The following SLTM variants were observed in gnomAD, a reference collection of about 807,000 sequenced individuals.
The protein encoded by SLTM is SAFB like transcription modulator.
In SLTM, 43 loss-of-function variants were observed where a neutral mutation model predicts 134.6. The ratio of observed to expected loss-of-function variants is 0.32; its 90% CI spans 0.25 to 0.41. SLTM has a LOEUF of 0.41. SLTM is among the 10% of genes least tolerant of loss of function. The pLI is 1.00. For synonymous variants in SLTM, 424 were observed against 432.3 expected (o/e 0.98, Z 0.24); for missense variants, 1,055 against 1,288.8 (o/e 0.82, Z 2.78).
At chr15:58,891,315 C>T (rs1359926262) in intron 14 of SLTM, among the ~76,000 whole-genome samples, 1 of 152,202 alleles carries the variant, frequency 6.6e-6, no homozygotes, top group Non-Finnish European at 1.5e-5. Context: ...AACCATCCAA[C>T]ACCTCTCATA....
At chr15:58,898,552 C>T (rs1436857378) in intron 8 of SLTM, 1 of 377,098 alleles carries the variant, frequency 2.7e-6, no homozygotes, top group African/African-American at 2.2e-5. Context: ...TAGAACACAC[C>T]AGGTAAGTGT....
intron 5 of SLTM, among the ~76,000 whole-genome samples, chr15:58,908,372 T>C (rs1259716360): frequency 6.6e-6 from 1 of 152,022 alleles, no homozygotes; most frequent in Non-Finnish European, 1.5e-5. Context: ...GATTAAATTT[T>C]CTACTGTTTT....
In SLTM at chr15:58,890,403, C is replaced by G; in HGVS notation, c.1957G>C (p.Glu653Gln). Residue 653 changes from glutamate to glutamine, a missense_variant, in exon 15 of 21, where the codon GAA becomes CAA. Physicochemically the swap from Glu to Gln is conservative, Grantham distance 29. This residue lies in a region of SLTM where 776 missense variants were observed against 962.2 expected (regional missense o/e 0.81). Coordinates refer to ENST00000380516, the MANE Select transcript of SLTM (RefSeq NM_024755.4). ...TGTAAGCGTTCCCGTTCTTCCCGTT[C>G]ACGAATTATTCTAATGCGTTCTCGC... ...RERERIRIIR[E>Q]REERERLQRE... 6.2e-7 allele frequency: 1 copy of G among 1,614,054 alleles called. No homozygotes were observed.
intron 2 of SLTM, among the ~76,000 whole-genome samples, chr15:58,931,346 T>C (rs2037866729): frequency 6.6e-6 from 1 of 152,244 alleles, no homozygotes; most frequent in African/African-American, 2.4e-5. Flanking sequence ...AATAGTGAGT[T>C]GTCCTCATCT....
Position 58,893,365 on chromosome 15 carries a change from C to CGCTTCTTTTCTTCACTTTTTT in SLTM, c.1649-2_1649-1insAAAAAAGTGAAGAAAAGAAGC. On this transcript the variant is annotated splice_acceptor_variant, in intron 12 of 20. Transcript: ENST00000380516. LOFTEE classifies it high-confidence loss of function. ...ACCATATGTCCTGGACTCTTGGAAC[C>CGCTTCTTTTCTTCACTTTTTT]TAAGGGAAAAAAATTATATAAAACA... 6.3e-7 allele frequency: 1 copy of CGCTTCTTTTCTTCACTTTTTT among 1,584,714 alleles called. No homozygotes were observed. Among genetic ancestry groups the CGCTTCTTTTCTTCACTTTTTT allele is most frequent in the African/African-American group, 1.4e-5 (1 of 73,204 alleles).
At chr15:58,918,224 A>T (rs1180412442) in intron 2 of SLTM, among the ~76,000 whole-genome samples, 2 of 151,968 alleles carry the variant, frequency 1.3e-5, no homozygotes. Context: ...GAAGTTTATT[A>T]AAAAAAATTT....
chr15:58,883,704 G>C lies in SLTM; in HGVS notation c.2918C>G (p.Ser973Cys). ...CGTATCATGATAGCTAGGCCCTTGA[G>C]AGGGTGGACCATGCCACTCTTTCCT... The part of the protein sequence containing the change: ...GPRKEWHGPP[S>C]QGPSYHDTRR... Residue 973 changes from serine to cysteine, a missense_variant, in exon 20 of 21, where the codon TCT becomes TGT. This residue lies in a region of SLTM where 776 missense variants were observed against 962.2 expected (regional missense o/e 0.81). Coordinates refer to ENST00000380516, the MANE Select transcript of SLTM (RefSeq NM_024755.4). 1 of 1,614,094 alleles carries C rather than the reference G, an allele frequency of 6.2e-7. No homozygotes were observed. Among genetic ancestry groups the C allele is most frequent in the Non-Finnish European group, 8.5e-7 (1 of 1,180,012 alleles).
chr15:58,919,996 T>C (rs558442400), intron 2 of SLTM, among the ~76,000 whole-genome samples: 8 of 152,154 alleles, frequency 5.3e-5, no homozygotes, highest in Non-Finnish European at 1.2e-4. Context: ...ATTATTCTAA[T>C]AAGGAGTGGT....
chr15:58,930,664 G>C (rs1486187044), intron 2 of SLTM, among the ~76,000 whole-genome samples: 1 of 150,914 alleles, frequency 6.6e-6, no homozygotes, highest in Non-Finnish European at 1.5e-5. Flanking sequence ...CAAAGAGCTA[G>C]GCACCACTGC....
chr15:58,885,913 T>C (rs1370267049), intron 19 of SLTM, among the ~76,000 whole-genome samples: 2 of 152,176 alleles, frequency 1.3e-5, no homozygotes, highest in African/African-American at 2.4e-5. Context: ...GTATATAATT[T>C]ATGAAAGTAT....
In SLTM at chr15:58,912,723, G is replaced by A. The variant is rs575212459; in HGVS notation, c.514-113C>T. 3.7e-5 allele frequency: 30 copies of A among 805,674 alleles called. 1 individual carries two copies. The highest frequency in any genetic ancestry group is 1.5e-4 in the South Asian group (10 of 66,372). The allele number at this position is 805,674 out of a possible 1,614,324, so 49.9% of individuals were successfully genotyped here. A position where few individuals can be genotyped will look rare whatever the true frequency, so the allele number is the denominator to read the frequency against. On this transcript the variant is annotated intron_variant, in intron 4 of 20. Transcript: ENST00000380516. Reference sequence around the variant, plus strand: ...GCCTTGTGTTCTGTATAATATCTGCGATACCATGGGTACTAAATCAATGCT... The same window carrying A: ...GCCTTGTGTTCTGTATAATATCTGCAATACCATGGGTACTAAATCAATGCT...
chr15:58,909,262 G>C (rs1478746667), intron 5 of SLTM, among the ~76,000 whole-genome samples: 3 of 152,066 alleles, frequency 2.0e-5, no homozygotes, highest in Admixed American at 2.0e-4. Context: ...AACAATTTAA[G>C]CATTAAGGAT....
At position 58,890,227 on chromosome 15, in the gene SLTM, C is replaced by T. The variant is rs2034549080; in HGVS notation, c.2079+54G>A. 8 of 1,594,154 alleles carry T rather than the reference C, an allele frequency of 5.0e-6. No homozygotes were observed. In the South Asian group the frequency reaches 9.0e-5, roughly 18 times the overall value. ...GTAAAGCAAGTTTTAGGGCTAAAAT[C>T]ACAGAGTCTGAAAAAGGTGAGTTAT... On this transcript the variant is annotated intron_variant, in intron 15 of 20. Transcript: ENST00000380516.
chr15:58,932,949 C>G (rs2141272423), intron 1 of SLTM, among the ~76,000 whole-genome samples: 1 of 152,360 alleles, frequency 6.6e-6, no homozygotes, highest in African/African-American at 2.4e-5. Context: ...CCAATTCCCC[C>G]TCAAGATGGG....
In SLTM at chr15:58,899,937, T is replaced by C; in HGVS notation, c.590A>G (p.Asp197Gly). Residue 197 changes from aspartate to glycine, a missense_variant and splice_region_variant, in exon 7 of 21, where the codon GAT becomes GGT. Physicochemically the swap from Asp to Gly is moderately conservative, Grantham distance 94. Transcript: ENST00000380516. The surrounding 1 kb of genome is among the most constrained non-coding windows in gnomAD (Gnocchi z 5.0). ...TGTACCATCACCAGAACCTGCTATATCTAAGAGGATTTAACAGGAATAAAT... is the reference window on the plus strand; with the variant it reads ...TGTACCATCACCAGAACCTGCTATACCTAAGAGGATTTAACAGGAATAAAT... ...QDGEEEENEKDIAGSGDGTQE... is the reference protein window; with the variant it reads ...QDGEEEENEKGIAGSGDGTQE... 6.2e-7 allele frequency: 1 copy of C among 1,601,190 alleles called. No individual in the cohort carries two copies. Among genetic ancestry groups the C allele is most frequent in the Non-Finnish European group, 8.5e-7 (1 of 1,171,894 alleles).
chr15:58,910,737 TAG>T (rs1353354915), intron 5 of SLTM, among the ~76,000 whole-genome samples: 1 of 149,050 alleles, frequency 6.7e-6, no homozygotes, highest in Admixed American at 6.7e-5. Flanking sequence ...ATTTTTCTCA[TAG>T]ATTCTTTTTT....
At chr15:58,916,181 T>TC (rs1197618290) in intron 3 of SLTM, among the ~76,000 whole-genome samples, 5 of 150,280 alleles carry the variant, frequency 3.3e-5, no homozygotes, top group Admixed American at 3.3e-4. Context: ...TCTCTCTCTT[T>TC]TTTTTTTTTT....
chr15:58,883,697 C>A lies in SLTM; in HGVS notation c.2925G>T (p.Gly975=), dbSNP rs994503154. 1.9e-6 allele frequency: 3 copies of A among 1,614,174 alleles called. No homozygotes were observed. The highest frequency in any genetic ancestry group is 2.5e-6 in the Non-Finnish European group (3 of 1,180,026). ...RKEWHGPPSQ[G]PSYHDTRRMG... ...TTCGCCTCGTATCATGATAGCTAGG[C>A]CCTTGAGAGGGTGGACCATGCCACT... The change falls in exon 20 of 21, where the codon GGG becomes GGT. Residue 975 remains glycine (G), a synonymous_variant. Transcript: ENST00000380516.
At chr15:58,921,908 TG>T (rs1434938882) in intron 2 of SLTM, among the ~76,000 whole-genome samples, 4 of 152,216 alleles carry the variant, frequency 2.6e-5, no homozygotes, top group African/African-American at 9.6e-5. Context: ...CACAAGGAGC[TG>T]GGATTACAGG....
Sources: gnomAD v4.1 joint callset for allele counts (sites outside exome capture counted in the v4.1 genomes callset) on GRCh38, gnomAD v4.1.1 for gene constraint, gnomAD v4.1.1 regional missense constraint, Gnocchi (gnomAD v3.1) non-coding constraint, MANE v1.5 for transcripts, NCBI Gene and HGNC (gene_info 2026-07-23, HGNC 2026-07-21) for gene names.